Variants in LRGUK observed in about 807,000 individuals in gnomAD.
LRGUK encodes leucine rich repeats and guanylate kinase domain containing.
LRGUK carries 65 observed loss-of-function variants against 76.0 expected under a neutral mutation model. The observed-to-expected ratio is 0.85, with a 90% CI of 0.70 to 1.05. The LOEUF is 1.05. Ranked by LOEUF, LRGUK falls within the 50% of genes least tolerant of loss-of-function variation. The probability of loss-of-function intolerance (pLI) is 0.00; values close to 1 mark genes in which losing one functional copy is unlikely to be tolerated. For missense variants in LRGUK, 758 were observed against 732.8 expected (o/e 1.03, Z -0.40); for synonymous variants, 268 against 265.6 (o/e 1.01, Z -0.09).
chr7:134,134,093 C>T (rs1281472861), intron 1 of LRGUK, among the ~76,000 whole-genome samples: 1 of 151,834 alleles, frequency 6.6e-6, no homozygotes, highest in Non-Finnish European at 1.5e-5. Flanking sequence ...AAGAAATTGC[C>T]CATAGGCTAC....
chr7:134,163,364 T>A (rs770585419), intron 6 of LRGUK, 33 bp from the exon 7 acceptor site: 16 of 1,580,380 alleles, frequency 1.0e-5, no homozygotes, highest in Admixed American at 5.2e-5. Context: ...TGAGAGGTCT[T>A]TGAGACATTA....
chr7:134,274,853 TAA>T, the LRGUK span, among the ~76,000 whole-genome samples: 1 of 152,172 alleles, frequency 6.6e-6, no homozygotes. Context: ...TAATGTAATT[TAA>T]GTTTGGTCTC....
chr7:134,218,251 A>G (rs1483824859), intron 15 of LRGUK, among the ~76,000 whole-genome samples: 2 of 152,196 alleles, frequency 1.3e-5, no homozygotes, highest in Non-Finnish European at 2.9e-5. Context: ...GCCCCATTTG[A>G]GTGGGGAAAA....
chr7:134,248,920 T>C (rs74885737), intron 17 of LRGUK, 31 bp from the exon 18 acceptor site: 1 of 391,210 alleles, frequency 2.6e-6, no homozygotes, highest in South Asian at 5.6e-5. Context: ...AATCCTTTGG[T>C]TTTTTTTTTT....
intron 7 of LRGUK, among the ~76,000 whole-genome samples, chr7:134,166,595 G>C (rs1317947102): frequency 2.0e-5 from 3 of 152,138 alleles, no homozygotes; most frequent in South Asian, 2.1e-4. Context: ...AGCAATGGCA[G>C]CATGGAGAGA....
intron 1 of LRGUK, among the ~76,000 whole-genome samples, chr7:134,130,393 T>G (rs926935667): frequency 6.6e-6 from 1 of 152,232 alleles, no homozygotes. Flanking sequence ...ATTGTTAATC[T>G]GTCTTCAGTA....
At chr7:134,194,063 G>C (rs890004829) in intron 12 of LRGUK, among the ~76,000 whole-genome samples, 1 of 152,090 alleles carries the variant, frequency 6.6e-6, no homozygotes, top group Non-Finnish European at 1.5e-5. Flanking sequence ...TCCCTCTCCT[G>C]TAGAAATAAA....
exon 1 of LRGUK, chr7:134,127,622 G>A (rs202224829): frequency 3.0e-5 from 48 of 1,614,108 alleles, no homozygotes; most frequent in African/African-American, 4.0e-5. Context: ...AGGGCGAGGC[G>A]GGATCCGAGG....
intron 5 of LRGUK, among the ~76,000 whole-genome samples, chr7:134,150,852 A>G (rs1351208268): frequency 1.3e-5 from 2 of 148,852 alleles, no homozygotes; most frequent in Non-Finnish European, 3.0e-5. Context: ...CATTAGATGT[A>G]GCAATTGAGT....
intron 6 of LRGUK, among the ~76,000 whole-genome samples, chr7:134,158,569 C>T (rs988522601): frequency 5.9e-5 from 9 of 152,276 alleles, no homozygotes; most frequent in African/African-American, 2.2e-4. Context: ...AAATGAACCA[C>T]AAGATGTTTT....
At chr7:134,214,957 T>C (rs1001736110), downstream of LRGUK, among the ~76,000 whole-genome samples, 26 of 152,260 alleles carry the variant, frequency 1.7e-4, no homozygotes, top group Non-Finnish European at 3.4e-4. Flanking sequence ...GGGAATCTTA[T>C]AGAAGGTCTT....
intron 7 of LRGUK, among the ~76,000 whole-genome samples, chr7:134,171,159 C>T (rs1799225680): frequency 6.6e-6 from 1 of 150,406 alleles, no homozygotes. Flanking sequence ...CTTTTTCCCC[C>T]TTCTTAAAAT....
chr7:134,207,864 C>T (rs1015219728), intron 15 of LRGUK, among the ~76,000 whole-genome samples: 3 of 152,144 alleles, frequency 2.0e-5, no homozygotes, highest in African/African-American at 7.2e-5. Context: ...ATTTGGGCCC[C>T]CAGAATCCGT....
At chr7:134,213,134 C>T (rs538642898), downstream of LRGUK, among the ~76,000 whole-genome samples, 276 of 152,220 alleles carry the variant, frequency 1.8e-3, no homozygotes, top group African/African-American at 6.4e-3. Context: ...TCTAAGGACC[C>T]GAATGCCAGG....
At chr7:134,127,749 C>T (rs1476740889) in intron 1 of LRGUK, 85 bp downstream of exon 1, 2 of 1,442,902 alleles carry the variant, frequency 1.4e-6, no homozygotes, top group African/African-American at 1.4e-5. Flanking sequence ...GCACCCCCAC[C>T]AGCCCGAAGC....
chr7:134,267,972 A>G (rs1374571952), downstream of LRGUK, among the ~76,000 whole-genome samples: 1 of 152,192 alleles, frequency 6.6e-6, no homozygotes, highest in African/African-American at 2.4e-5. Flanking sequence ...ATACCCTATC[A>G]AAATTTGTAG....
At chr7:134,192,573 CT>C (rs1800302580) in intron 12 of LRGUK, among the ~76,000 whole-genome samples, 1 of 152,138 alleles carries the variant, frequency 6.6e-6, no homozygotes, top group African/African-American at 2.4e-5. Context: ...TTATATGTTC[CT>C]TCTTGGCCTT....
At chr7:134,143,476 C>G (rs994794523) in intron 4 of LRGUK, among the ~76,000 whole-genome samples, 1 of 151,992 alleles carries the variant, frequency 6.6e-6, no homozygotes, top group African/African-American at 2.4e-5. Context: ...TATAGTGGAA[C>G]AATTTTTTAA....
chr7:134,266,810 T>A (rs1802864975), downstream of LRGUK, among the ~76,000 whole-genome samples: 1 of 152,190 alleles, frequency 6.6e-6, no homozygotes, highest in African/African-American at 2.4e-5. Flanking sequence ...GAGTGAATCC[T>A]AAACAGGTTA....
Sources: gnomAD v4.1 joint callset for allele counts (sites outside exome capture counted in the v4.1 genomes callset) on GRCh38, gnomAD v4.1.1 for gene constraint, MANE v1.5 for transcripts, NCBI Gene and HGNC (gene_info 2026-07-23, HGNC 2026-07-21) for gene names.